Variants in DOCK9 observed in about 807,000 individuals in gnomAD.
DOCK9 encodes dedicator of cytokinesis 9.
Under a neutral mutation model 263.3 loss-of-function variants are expected in DOCK9, and 89 were observed. The observed-to-expected ratio is 0.34, with a 90% CI of 0.28 to 0.40. The LOEUF (loss-of-function observed/expected upper bound fraction) is 0.40. Ranked by LOEUF, DOCK9 falls within the 10% of genes least tolerant of loss-of-function variation. The probability of loss-of-function intolerance (pLI) is 1.00; values close to 1 mark genes in which losing one functional copy is unlikely to be tolerated. For synonymous variants in DOCK9, 976 were observed against 973.1 expected (o/e 1.00, Z -0.06); for missense variants, 2,140 against 2,603.4 (o/e 0.82, Z 3.87).
chr13:98,863,312 C>T (rs2093929119), intron 31 of DOCK9, 58 bp downstream of exon 31: 3 of 1,576,906 alleles, frequency 1.9e-6, no homozygotes, highest in Admixed American at 3.5e-5. Flanking sequence ...ACTTTCTTTA[C>T]ACCACTTAAA....
chr13:98,944,278 T>C (rs764173959), intron 2 of DOCK9, among the ~76,000 whole-genome samples: 11 of 151,868 alleles, frequency 7.2e-5, no homozygotes, highest in Non-Finnish European at 1.3e-4. Context: ...GTGTGCTCTC[T>C]TTCTTCTAGT....
At chr13:98,963,473 C>T (rs2058878199) in intron 1 of DOCK9, among the ~76,000 whole-genome samples, 1 of 152,192 alleles carries the variant, frequency 6.6e-6, no homozygotes, top group Admixed American at 6.5e-5. Flanking sequence ...CTCCAAAGAG[C>T]ACAGTAATTT....
At chr13:98,934,924 A>G (rs1267672773) in intron 2 of DOCK9, among the ~76,000 whole-genome samples, 1 of 152,252 alleles carries the variant, frequency 6.6e-6, no homozygotes, top group African/African-American at 2.4e-5. Flanking sequence ...AGCTGGAGAC[A>G]CAAAGTTTAA....
intron 9 of DOCK9, among the ~76,000 whole-genome samples, chr13:98,905,883 G>A (rs1459756750): frequency 2.0e-5 from 3 of 152,088 alleles, no homozygotes; most frequent in South Asian, 4.2e-4. Context: ...AGCATCACTC[G>A]GGCAGGGCTG....
At chr13:98,811,533 C>T (rs1039591026) in intron 45 of DOCK9, among the ~76,000 whole-genome samples, 2 of 152,054 alleles carry the variant, frequency 1.3e-5, no homozygotes, top group African/African-American at 4.8e-5. Flanking sequence ...ACCTCTGTCT[C>T]CCAAGTAGCT....
In DOCK9 at chr13:98,975,472, T is replaced by TACACACACACAC. The variant is rs146581245; in HGVS notation, c.126+2300_126+2311dup. Among the ~76,000 whole-genome samples, 441 of 142,504 alleles carry TACACACACACAC rather than the reference T, an allele frequency of 3.1e-3. 3 individuals are homozygous for TACACACACACAC. The highest frequency in any genetic ancestry group is 0.014 in the Middle Eastern group (4 of 278). The allele number at this position is 142,504 out of a possible 152,430, so 93.5% of individuals were successfully genotyped here. On this transcript the variant is annotated intron_variant, in intron 1 of 52. Transcript: ENST00000682017. Reference sequence around the variant, plus strand: ...CATAATAGTATATTCTCTAAACACATACACACACACACACACACACACACA... The same window carrying TACACACACACAC: ...CATAATAGTATATTCTCTAAACACATACACACACACACACACACACACACACACACACACACA...
In DOCK9 at chr13:99,031,101, T is replaced by C. The variant is rs373329906; in HGVS notation, c.129+55122A>G. The stretch of plus-strand genomic sequence containing the variant: ...ATAGACTTTATAATAAATATCTTAC[T>C]TTCTGTAATTGATGTTTTTTTTAAA... On this transcript the variant is annotated intron_variant, in intron 1 of 32. Coordinates refer to the DOCK9 transcript ENST00000427887. Among the ~76,000 whole-genome samples, 31 of 142,146 alleles carry C rather than the reference T, an allele frequency of 2.2e-4. No homozygotes were observed. The East Asian group carries it at 3.8e-3, about 17-fold the overall frequency. The allele number at this position is 142,146 out of a possible 152,430, so 93.3% of individuals were successfully genotyped here.
Position 98,882,540 on chromosome 13 carries a change from G to C in DOCK9, c.2559+502C>G, listed in dbSNP as rs143729306. The stretch of plus-strand genomic sequence containing the variant: ...AAAATGCTCCCCACAGCCACGTTCT[G>C]GATGAAGCTCTCCTAGACAAACCCT... On this transcript the variant is annotated intron_variant, in intron 23 of 52. Transcript: ENST00000682017. 4.9e-3 allele frequency among the ~76,000 whole-genome samples: 750 copies of C among 152,272 alleles called. 1 individual carries two copies. The highest frequency in any genetic ancestry group is 6.7e-3 in the Non-Finnish European group (456 of 68,018).
At chr13:98,806,743 T>G (rs1213960265) in intron 48 of DOCK9, among the ~76,000 whole-genome samples, 1 of 152,036 alleles carries the variant, frequency 6.6e-6, no homozygotes, top group Admixed American at 6.6e-5. Flanking sequence ...ACCCTGTCTC[T>G]ACCAAAAATA....
At chr13:99,053,050 T>A (rs1356539583) in intron 1 of DOCK9, among the ~76,000 whole-genome samples, 3 of 152,148 alleles carry the variant, frequency 2.0e-5, no homozygotes, top group African/African-American at 7.2e-5. Context: ...TCAAACCACT[T>A]CCAGTTCCCA....
intron 1 of DOCK9, among the ~76,000 whole-genome samples, chr13:98,984,168 A>C (rs1877909704): frequency 6.6e-6 from 1 of 152,216 alleles, no homozygotes; most frequent in Non-Finnish European, 1.5e-5. Flanking sequence ...AAGGAGACCG[A>C]GGCCTGGAGT....
chr13:98,963,077 G>T (rs960086700), intron 1 of DOCK9, among the ~76,000 whole-genome samples: 1 of 152,132 alleles, frequency 6.6e-6, no homozygotes, highest in Non-Finnish European at 1.5e-5. Context: ...ATGGACACAG[G>T]TGAGCCACTG....
At chr13:98,853,336 T>C in intron 35 of DOCK9, 72 bp downstream of exon 35, 1 of 930,588 alleles carries the variant, frequency 1.1e-6, no homozygotes, top group Non-Finnish European at 1.7e-6. Context: ...TCATTTCAAC[T>C]TATTACAAGT....
Position 98,837,607 on chromosome 13 carries a change from A to G in DOCK9, c.4201T>C (p.Tyr1401His). The change falls in exon 39 of 53, where the codon TAT (tyrosine) becomes CAT (histidine). Residue 1401 changes from tyrosine (Y) to histidine (H), a missense_variant and splice_region_variant. By Grantham distance (83) the Tyr-to-His change is moderately conservative. Coordinates refer to ENST00000682017, the MANE Select transcript of DOCK9 (RefSeq NM_001366683.2). Reference sequence around the variant, plus strand: ...AGAACATCTGCGTCCGAGTGGCCATAGCCTGCATGAATTACAACACAAGAT... The same window carrying G: ...AGAACATCTGCGTCCGAGTGGCCATGGCCTGCATGAATTACAACACAAGAT... Reference protein sequence around the residue: ...LDNSLTFNHSYGHSDADVLHQ... With the variant: ...LDNSLTFNHSHGHSDADVLHQ... The G allele has an allele frequency of 6.2e-7, 1 of 1,610,502 alleles. No homozygotes were observed. The highest frequency in any genetic ancestry group is 8.5e-7 in the Non-Finnish European group (1 of 1,177,222).
chr13:99,036,605 G>C (rs771215732), intron 1 of DOCK9, among the ~76,000 whole-genome samples: 1 of 152,160 alleles, frequency 6.6e-6, no homozygotes, highest in Non-Finnish European at 1.5e-5. Flanking sequence ...CCAGTGGAGT[G>C]ATCTTGGCTC....
chr13:99,040,845 C>A (rs76484714), intron 1 of DOCK9, among the ~76,000 whole-genome samples: 3 of 152,198 alleles, frequency 2.0e-5, no homozygotes, highest in African/African-American at 7.2e-5. Flanking sequence ...AGACTATTCC[C>A]TAAGTCAGCA....
intron 39 of DOCK9, chr13:98,832,859 G>A (rs774822204): frequency 2.0e-5 from 3 of 152,228 alleles, no homozygotes; most frequent in African/African-American, 7.2e-5. Flanking sequence ...TTTGGCCAAC[G>A]GAACAGGGGT....
chr13:98,885,264 TTAG>T, intron 20 of DOCK9, 172 bp from the exon 21 acceptor site: 1 of 927,354 alleles, frequency 1.1e-6, no homozygotes. Context: ...TACAATGTAC[TTAG>T]GCCTTTTCGG....
intron 7 of DOCK9, among the ~76,000 whole-genome samples, chr13:98,916,725 TCTC>T (rs1191316352): frequency 6.6e-6 from 1 of 152,086 alleles, no homozygotes; most frequent in African/African-American, 2.4e-5. Flanking sequence ...ATGAATTTTC[TCTC>T]CTCCTTTCCC....
Sources: allele counts gnomAD v4.1 joint callset (sites outside exome capture counted in the v4.1 genomes callset), GRCh38; gene constraint gnomAD v4.1.1; transcripts MANE v1.5; gene names NCBI Gene and HGNC (gene_info 2026-07-23, HGNC 2026-07-21).